CAMK1D: variants seen among roughly 807,000 people sequenced by gnomAD.
CAMK1D encodes the protein calcium/calmodulin-dependent protein kinase type 1D.
CAMK1D carries 9 observed loss-of-function variants against 47.7 expected under a neutral mutation model. The ratio of observed to expected loss-of-function variants is 0.19; its 90% CI spans 0.11 to 0.33. The LOEUF (loss-of-function observed/expected upper bound fraction) is 0.33. CAMK1D is among the 10% of genes least tolerant of loss of function. CAMK1D has a pLI of 1.00. For missense variants in CAMK1D, 291 were observed against 488.7 expected (o/e 0.60, Z 3.81); for synonymous variants, 184 against 184.9 (o/e 0.99, Z 0.04).
rs529833699 is a variant in CAMK1D at position 12,764,341 on chromosome 10, A to G, written c.438+3255A>G. Among the ~76,000 whole-genome samples, 14 of 128,590 alleles carry G rather than the reference A, an allele frequency of 1.1e-4. No individual in the cohort carries two copies. The South Asian group carries it at 2.9e-3, about 27-fold the overall frequency. 84.4% of individuals were successfully genotyped at this position (128,590 alleles called of 152,430 possible). A position where few individuals can be genotyped will look rare whatever the true frequency, so the allele number is the denominator to read the frequency against. On this transcript the variant is annotated intron_variant, in intron 4 of 10. Transcript: ENST00000619168. ...GGTTGCAGTGAGCCGAGATCGCACC[A>G]TTGCACTCCAGTCTGGGCAACAAGA...
In CAMK1D at chr10:12,561,803, C is replaced by T. The variant is rs936843542; in HGVS notation, c.224+8447C>T. ...AACATTTTAAATTTGGTTTGAGATC[C>T]AGAATCAATGCATTTCTGTTAATTT... On this transcript the variant is annotated intron_variant, in intron 2 of 10. Transcript: ENST00000619168. 3.9e-5 allele frequency among the ~76,000 whole-genome samples: 6 copies of T among 152,188 alleles called. 1 individual carries two copies. Among genetic ancestry groups the T allele is most frequent in the African/African-American group, 1.4e-4 (6 of 41,452 alleles).
chr10:12,705,590 T>A lies in CAMK1D; in HGVS notation c.299+38780T>A, dbSNP rs554321767. On this transcript the variant is annotated intron_variant, in intron 3 of 10. Coordinates refer to ENST00000619168, the MANE Select transcript of CAMK1D (RefSeq NM_153498.4). ...GTGTGTTCGTATAAAGTATGCTGGTTCAGGGAGACCAGCCTGGTCCTCGAT... is the reference window on the plus strand; with the variant it reads ...GTGTGTTCGTATAAAGTATGCTGGTACAGGGAGACCAGCCTGGTCCTCGAT... 2.6e-5 allele frequency among the ~76,000 whole-genome samples: 4 copies of A among 152,342 alleles called. No homozygotes were observed. In the South Asian group the frequency reaches 8.3e-4, roughly 32 times the overall value.
chr10:12,359,359 C>T (rs143634553), intron 1 of CAMK1D, among the ~76,000 whole-genome samples: 4 of 152,264 alleles, frequency 2.6e-5, no homozygotes, highest in African/African-American at 7.2e-5. Flanking sequence ...TTGGAAGGCC[C>T]GCTGAGCCAT....
chr10:12,808,734 C>T (rs557766490), intron 6 of CAMK1D, among the ~76,000 whole-genome samples: 15 of 151,918 alleles, frequency 9.9e-5, no homozygotes, highest in African/African-American at 3.1e-4. Flanking sequence ...GCCAAGGTCG[C>T]GCTACTGCAC....
At chr10:12,421,796 A>G (rs950582175) in intron 1 of CAMK1D, among the ~76,000 whole-genome samples, 2 of 148,558 alleles carry the variant, frequency 1.3e-5, no homozygotes, top group Non-Finnish European at 3.0e-5. Context: ...TTTTTTTTCT[A>G]TTCGCTTGGG....
In CAMK1D at chr10:12,443,630, AT is replaced by A. The variant is rs939125716; in HGVS notation, c.92+93731del. 7.2e-4 allele frequency among the ~76,000 whole-genome samples: 106 copies of A among 148,068 alleles called. 3 individuals carry two copies. The East Asian group carries it at 0.014, about 20-fold the overall frequency. ...GACTGCTGGTTTCCTATTTTATTTT[AT>A]TTTTTTTTTTATTTTTGAGACGGAG... On this transcript the variant is annotated intron_variant, in intron 1 of 10. Transcript: ENST00000619168.
At chr10:12,769,871 C>G in intron 5 of CAMK1D, 72 bp downstream of exon 5, 1 of 1,544,148 alleles carries the variant, frequency 6.5e-7, no homozygotes, top group Non-Finnish European at 8.9e-7. Context: ...CACCACGTGT[C>G]AACTCATCAG....
chr10:12,795,830 G>T (rs1303053141), intron 6 of CAMK1D, among the ~76,000 whole-genome samples: 2 of 152,182 alleles, frequency 1.3e-5, no homozygotes, highest in African/African-American at 4.8e-5. Flanking sequence ...TTCTTATCCT[G>T]CCAGGAATCT....
chr10:12,523,336 A>G (rs1220315844), intron 1 of CAMK1D, among the ~76,000 whole-genome samples: 1 of 151,914 alleles, frequency 6.6e-6, no homozygotes, highest in Non-Finnish European at 1.5e-5. Context: ...CATTTCCCAG[A>G]CAGGGTGGTG....
At chr10:12,398,183 C>T (rs1839031441) in intron 1 of CAMK1D, among the ~76,000 whole-genome samples, 1 of 152,118 alleles carries the variant, frequency 6.6e-6, no homozygotes, top group South Asian at 2.1e-4. Context: ...TCATCTTTAA[C>T]CACTGGAATT....
chr10:12,747,031 G>GTTTT (rs758354380), intron 3 of CAMK1D, among the ~76,000 whole-genome samples: 7 of 143,756 alleles, frequency 4.9e-5, no homozygotes, highest in African/African-American at 1.8e-4. Context: ...AATTCTTTTT[G>GTTTT]TTTGTTTGTT....
chr10:12,699,669 T>C (rs1455405651), intron 3 of CAMK1D, among the ~76,000 whole-genome samples: 1 of 140,862 alleles, frequency 7.1e-6, no homozygotes, highest in Non-Finnish European at 1.5e-5. Flanking sequence ...AACAAGATGA[T>C]TTTTTTTTTC....
intron 2 of CAMK1D, among the ~76,000 whole-genome samples, chr10:12,608,754 A>G (rs979970729): frequency 2.2e-4 from 33 of 152,238 alleles, no homozygotes; most frequent in Non-Finnish European, 2.2e-4. Flanking sequence ...TTTTACTTCA[A>G]ACATGTTAGA....
At chr10:12,662,319 G>C (rs533649513) in intron 2 of CAMK1D, among the ~76,000 whole-genome samples, 1 of 152,300 alleles carries the variant, frequency 6.6e-6, no homozygotes, top group African/African-American at 2.4e-5. Flanking sequence ...TGAAGCTAAA[G>C]GTGAAGACAT....
At chr10:12,643,791 C>T (rs1839732895) in intron 2 of CAMK1D, among the ~76,000 whole-genome samples, 2 of 150,980 alleles carry the variant, frequency 1.3e-5, no homozygotes, top group African/African-American at 2.4e-5. Flanking sequence ...GGCTGAGGCA[C>T]GAGAATTGCT....
At chr10:12,444,347 ACCTGCGTTTCCTTGGCCTCTGAGGCT>A (rs1564343800) in intron 1 of CAMK1D, among the ~76,000 whole-genome samples, 1 of 152,098 alleles carries the variant, frequency 6.6e-6, no homozygotes, top group Non-Finnish European at 1.5e-5. Flanking sequence ...CATGATGGAA[ACCTGCGTTTCCTTGGCCTCTGAGGCT>A]TTGAGGAGGT....
chr10:12,395,033 A>G (rs2131899196), intron 1 of CAMK1D, among the ~76,000 whole-genome samples: 1 of 149,426 alleles, frequency 6.7e-6, no homozygotes, highest in Admixed American at 6.7e-5. Flanking sequence ...GAGGGTAAAC[A>G]GTTACACTTA....
At chr10:12,511,859 C>G (rs112581101) in intron 1 of CAMK1D, among the ~76,000 whole-genome samples, 2 of 152,356 alleles carry the variant, frequency 1.3e-5, no homozygotes, top group African/African-American at 4.8e-5. Flanking sequence ...TCTCGCCAAG[C>G]CAGCGGCATC....
chr10:12,779,749 C>G (rs1385171704), intron 5 of CAMK1D, among the ~76,000 whole-genome samples: 1 of 151,952 alleles, frequency 6.6e-6, no homozygotes. Context: ...TTTTTTTGAG[C>G]CTTATTCAGT....
Sources: gnomAD v4.1 joint callset for allele counts (sites outside exome capture counted in the v4.1 genomes callset) on GRCh38, gnomAD v4.1.1 for gene constraint, MANE v1.5 for transcripts, NCBI Gene and HGNC (gene_info 2026-07-23, HGNC 2026-07-21) for gene names.